AGBL4: variants seen among roughly 807,000 people sequenced by gnomAD.
The protein encoded by AGBL4 is AGBL carboxypeptidase 4.
A neutral mutation model predicts 66.4 loss-of-function variants in AGBL4; 58 were observed. That is an observed-to-expected ratio of 0.87 (90% CI 0.71 to 1.09). The LOEUF (loss-of-function observed/expected upper bound fraction) is 1.09, where lower values mean the gene tolerates loss of function less well. Ranked by LOEUF, AGBL4 falls within the 50% of genes least tolerant of loss-of-function variation. The probability of loss-of-function intolerance (pLI) is 0.00; values close to 1 mark genes in which losing one functional copy is unlikely to be tolerated. For synonymous variants in AGBL4, 234 were observed against 222.9 expected (o/e 1.05, Z -0.44); for missense variants, 579 against 631.0 (o/e 0.92, Z 0.88).
chr1:49,015,566 G>T (rs1387898883), intron 5 of AGBL4, among the ~76,000 whole-genome samples: 1 of 151,662 alleles, frequency 6.6e-6, no homozygotes, highest in Non-Finnish European at 1.5e-5. Flanking sequence ...GGGACTACAG[G>T]CGCCCGCCAC....
intron 1 of AGBL4, among the ~76,000 whole-genome samples, chr1:49,909,978 A>C (rs1650657141): frequency 6.6e-6 from 1 of 152,196 alleles, no homozygotes; most frequent in African/African-American, 2.4e-5. Context: ...AAGTAAAGAT[A>C]TTAAGTTGAG....
intron 9 of AGBL4, among the ~76,000 whole-genome samples, chr1:48,591,289 G>A (rs1229682794): frequency 1.3e-5 from 2 of 152,114 alleles, no homozygotes; most frequent in African/African-American, 4.8e-5. Context: ...AAATTTATTA[G>A]CTTGGGTTAA....
chr1:49,951,739 T>A (rs1475810380), intron 1 of AGBL4, among the ~76,000 whole-genome samples: 3 of 151,962 alleles, frequency 2.0e-5, no homozygotes, highest in African/African-American at 7.2e-5. Context: ...TGGCAATGTA[T>A]CAATTCGTTT....
intron 3 of AGBL4, among the ~76,000 whole-genome samples, chr1:49,384,081 C>T (rs563817882): frequency 1.3e-5 from 2 of 152,070 alleles, no homozygotes; most frequent in East Asian, 3.9e-4. Context: ...AGGCATGAGC[C>T]ACCATGCCCG....
At chr1:49,581,444 A>T (rs1644540191) in intron 3 of AGBL4, among the ~76,000 whole-genome samples, 1 of 152,078 alleles carries the variant, frequency 6.6e-6, no homozygotes, top group Non-Finnish European at 1.5e-5. Context: ...CTGTATGTCA[A>T]TTTATGTGTA....
chr1:48,748,555 G>A (rs950479989), intron 6 of AGBL4, among the ~76,000 whole-genome samples: 9 of 152,124 alleles, frequency 5.9e-5, no homozygotes, highest in East Asian at 1.9e-4. Context: ...TCATAAGGAC[G>A]GTCACCAACT....
At chr1:48,695,246 G>A (rs956445247) in intron 6 of AGBL4, among the ~76,000 whole-genome samples, 3 of 152,166 alleles carry the variant, frequency 2.0e-5, no homozygotes, top group Non-Finnish European at 4.4e-5. Flanking sequence ...CCAGTTCCTA[G>A]TTCCCCAGCT....
intron 3 of AGBL4, among the ~76,000 whole-genome samples, chr1:49,383,242 A>G (rs1454772238): frequency 6.6e-6 from 1 of 152,180 alleles, no homozygotes; most frequent in Non-Finnish European, 1.5e-5. Context: ...TACAGATTCA[A>G]TGCAATCATT....
At chr1:49,174,163 G>C (rs533965803) in intron 4 of AGBL4, among the ~76,000 whole-genome samples, 7 of 152,072 alleles carry the variant, frequency 4.6e-5, no homozygotes, top group Non-Finnish European at 8.8e-5. Context: ...GGGCAATGAA[G>C]TTAATTTTTT....
intron 3 of AGBL4, among the ~76,000 whole-genome samples, chr1:49,644,613 C>A (rs1220987899): frequency 6.6e-6 from 1 of 151,244 alleles, no homozygotes; most frequent in Non-Finnish European, 1.5e-5. Context: ...TTTGAAAATC[C>A]TGAAGTGAAA....
intron 5 of AGBL4, among the ~76,000 whole-genome samples, chr1:48,978,586 C>T (rs998411624): frequency 6.6e-6 from 1 of 152,176 alleles, no homozygotes; most frequent in Non-Finnish European, 1.5e-5. Context: ...ATAACTCCCA[C>T]TTGTTCCTTT....
rs78866251 is a variant in AGBL4 at position 49,975,250 on chromosome 1, A to C, written c.34+48513T>G. Among the ~76,000 whole-genome samples the C allele has an allele frequency of 8.0e-3, 1,225 of 152,336 alleles. 6 individuals carry two copies. Among genetic ancestry groups the C allele is most frequent in the Non-Finnish European group, 0.012 (846 of 68,022 alleles). The stretch of plus-strand genomic sequence containing the variant: ...AAACTTAATTGCAACTCTGCCCTTA[A>C]ATACAGTACTGTTGGGTATAATGAA... On this transcript the variant is annotated intron_variant, in intron 1 of 13. Transcript: ENST00000371839.
At chr1:49,548,033 A>T (rs1652643575) in intron 3 of AGBL4, among the ~76,000 whole-genome samples, 1 of 152,016 alleles carries the variant, frequency 6.6e-6, no homozygotes, top group South Asian at 2.1e-4. Context: ...TGGCCTCCCA[A>T]AGTGCTGGGA....
At chr1:48,918,677 T>A (rs1653826368) in intron 5 of AGBL4, among the ~76,000 whole-genome samples, 1 of 152,136 alleles carries the variant, frequency 6.6e-6, no homozygotes, top group South Asian at 2.1e-4. Context: ...AACCTGACCA[T>A]GCTGGCATTG....
chr1:49,959,303 A>T (rs1036596190), intron 1 of AGBL4, among the ~76,000 whole-genome samples: 1 of 152,188 alleles, frequency 6.6e-6, no homozygotes. Context: ...AGTTTTGATC[A>T]GCACCTGGCA....
chr1:49,666,476 G>C (rs1452834978), intron 3 of AGBL4, among the ~76,000 whole-genome samples: 2 of 152,068 alleles, frequency 1.3e-5, no homozygotes, highest in African/African-American at 4.8e-5. Context: ...TGAGGCAGGA[G>C]AATGGCTTGC....
chr1:49,027,761 T>C (rs931699951), intron 5 of AGBL4, among the ~76,000 whole-genome samples: 2 of 152,064 alleles, frequency 1.3e-5, no homozygotes, highest in African/African-American at 2.4e-5. Flanking sequence ...ACCTTACTCA[T>C]AGAATGAAAA....
chr1:49,838,565 T>C (rs530541324), intron 2 of AGBL4, among the ~76,000 whole-genome samples: 1 of 152,342 alleles, frequency 6.6e-6, no homozygotes, highest in East Asian at 1.9e-4. Flanking sequence ...AGCTGTATGA[T>C]AACCCATAAT....
At chr1:49,070,708 C>T (rs1049621661) in intron 4 of AGBL4, among the ~76,000 whole-genome samples, 1 of 151,852 alleles carries the variant, frequency 6.6e-6, no homozygotes, top group African/African-American at 2.4e-5. Context: ...TTTGTTGTGT[C>T]TCTGCCCGGT....
Sources: gnomAD v4.1 joint callset for allele counts (sites outside exome capture counted in the v4.1 genomes callset) on GRCh38, gnomAD v4.1.1 for gene constraint, MANE v1.5 for transcripts, NCBI Gene and HGNC (gene_info 2026-07-23, HGNC 2026-07-21) for gene names.